Variants in CORO2B observed in about 807,000 individuals in gnomAD.
CORO2B encodes the protein coronin-2B.
In CORO2B, 26 loss-of-function variants were observed where a neutral mutation model predicts 58.8. That is an observed-to-expected ratio of 0.44 (90% CI 0.32 to 0.61). CORO2B has a LOEUF of 0.61. Ranked by LOEUF, CORO2B falls within the 20% of genes least tolerant of loss-of-function variation. CORO2B has a pLI of 0.04. For missense variants in CORO2B, 460 were observed against 645.1 expected (o/e 0.71, Z 3.11); for synonymous variants, 242 against 253.8 (o/e 0.95, Z 0.44).
At chr15:68,520,154 A>G in the CORO2B span, among the ~76,000 whole-genome samples, 4 of 152,326 alleles carry the variant, frequency 2.6e-5, no homozygotes, top group African/African-American at 7.2e-5. Context: ...CATTTCTGCC[A>G]TTTGAAATGT....
intron 3 of CORO2B, among the ~76,000 whole-genome samples, chr15:68,703,436 C>G (rs1892707999): frequency 6.6e-6 from 1 of 152,160 alleles, no homozygotes; most frequent in African/African-American, 2.4e-5. Context: ...CAGGTGTGAG[C>G]CACCTCGCCC....
At chr15:68,692,283 C>T (rs1567010794) in intron 2 of CORO2B, among the ~76,000 whole-genome samples, 2 of 152,276 alleles carry the variant, frequency 1.3e-5, no homozygotes, top group Non-Finnish European at 1.5e-5. Context: ...TGACCCGCCT[C>T]TGCTTAGAGT....
intron 1 of CORO2B, among the ~76,000 whole-genome samples, chr15:68,642,423 C>A (rs1483728588): frequency 6.6e-6 from 1 of 152,070 alleles, no homozygotes; most frequent in Non-Finnish European, 1.5e-5. Context: ...GCAGACCATC[C>A]CCGGTGCCCA....
the CORO2B span, among the ~76,000 whole-genome samples, chr15:68,559,346 C>T: frequency 9.8e-4 from 149 of 152,080 alleles, 1 homozygote; most frequent in African/African-American, 3.4e-3. The surrounding 1 kb of genome is among the most constrained non-coding windows in gnomAD (Gnocchi z 4.3). Flanking sequence ...CTCTCATTCC[C>T]GGAGAATTAA....
chr15:68,556,173 C>T, the CORO2B span, among the ~76,000 whole-genome samples: 2 of 152,200 alleles, frequency 1.3e-5, no homozygotes, highest in South Asian at 4.1e-4. Context: ...ACCACCTTCC[C>T]ACAATGCCTC....
rs74507300 is a variant in CORO2B, at chr15:68,607,886, A to G, written c.15+28609A>G. On this transcript the variant is annotated intron_variant, in intron 1 of 11. Coordinates refer to ENST00000261861, the MANE Select transcript of CORO2B (RefSeq NM_006091.5). ...ACTCCTTTCTAAGAGAGGTCAGACC[A>G]GGACTCCAGGAACAGATGCCATGTG... Among the ~76,000 whole-genome samples, 1,213 of 151,958 alleles carry G rather than the reference A, an allele frequency of 8.0e-3. 21 individuals are homozygous for G. The highest frequency in any genetic ancestry group is 0.028 in the African/African-American group (1,146 of 41,422).
chr15:68,596,184 C>A (rs1899825384), intron 1 of CORO2B, among the ~76,000 whole-genome samples: 1 of 152,076 alleles, frequency 6.6e-6, no homozygotes, highest in African/African-American at 2.4e-5. Flanking sequence ...AATAAATCTT[C>A]ATTAAGCATG....
intron 1 of CORO2B, chr15:68,631,921 G>A (rs954474560): frequency 5.8e-5 from 57 of 985,114 alleles, no homozygotes; most frequent in Non-Finnish European, 6.8e-5. Context: ...GCCCCAGATG[G>A]CCACCAGGGA....
In CORO2B at chr15:68,645,197, G is replaced by A. The variant is rs946241969; in HGVS notation, c.53G>A (p.Arg18Gln). The change falls in exon 2 of 12, where the codon CGG becomes CAG. Residue 18 changes from arginine (R) to glutamine (Q), a missense_variant. Physicochemically the swap from Arg to Gln is conservative, Grantham distance 43. Around this residue, in one of 2 missense-constraint regions of CORO2B, gnomAD observed 352 missense variants for 543.0 expected, o/e 0.65. Coordinates refer to ENST00000261861, the MANE Select transcript of CORO2B (RefSeq NM_006091.5). This position sits in a 1 kb window ranked among gnomAD's most constrained non-coding sequence, Gnocchi z 4.5. ...CCGCAATACCGTAGCTCCAAGTTCC[G>A]GAATGTCTACGGGAAGGTGGCCAAC... ...WRPQYRSSKFRNVYGKVANRE... is the reference protein window; with the variant it reads ...WRPQYRSSKFQNVYGKVANRE... 2.5e-6 allele frequency: 4 copies of A among 1,614,162 alleles called. No individual in the cohort carries two copies. Among genetic ancestry groups the A allele is most frequent in the Non-Finnish European group, 1.7e-6 (2 of 1,180,020 alleles).
intron 11 of CORO2B, 26 bp from the exon 12 acceptor site, chr15:68,725,817 T>C: frequency 6.2e-7 from 1 of 1,612,542 alleles, no homozygotes; most frequent in South Asian, 1.1e-5. Flanking sequence ...GGGCCCTCCT[T>C]GGCCCCCTCT....
chr15:68,577,443 G>C (rs953220875), upstream of CORO2B, among the ~76,000 whole-genome samples: 1 of 152,158 alleles, frequency 6.6e-6, no homozygotes, highest in African/African-American at 2.4e-5. Context: ...AAATGGCAGG[G>C]CCGGGGGCGG....
intron 1 of CORO2B, among the ~76,000 whole-genome samples, chr15:68,597,614 G>GC (rs1312757777): frequency 7.0e-6 from 1 of 143,604 alleles, no homozygotes; most frequent in Non-Finnish European, 1.5e-5. Context: ...CCTAATTTCT[G>GC]TTTCCCCCCC....
At chr15:68,637,103 C>T (rs147238591) in intron 1 of CORO2B, among the ~76,000 whole-genome samples, 5 of 152,354 alleles carry the variant, frequency 3.3e-5, no homozygotes, top group Middle Eastern at 3.4e-3. Context: ...CAGATACATG[C>T]CTTCACGACA....
intron 2 of CORO2B, among the ~76,000 whole-genome samples, chr15:68,675,716 A>G (rs1902561517): frequency 5.3e-5 from 8 of 152,218 alleles, no homozygotes; most frequent in Admixed American, 5.2e-4. Flanking sequence ...TAAAGTGCTT[A>G]GAAAACATTA....
chr15:68,557,805 C>T, the CORO2B span, among the ~76,000 whole-genome samples: 1 of 152,228 alleles, frequency 6.6e-6, no homozygotes, highest in Non-Finnish European at 1.5e-5. Context: ...CTAACTGGGA[C>T]TCCACAGCCT....
chr15:68,654,543 CT>C (rs1171111947), intron 2 of CORO2B, among the ~76,000 whole-genome samples: 1 of 152,226 alleles, frequency 6.6e-6, no homozygotes, highest in Admixed American at 6.5e-5. Context: ...CATTTTCCTT[CT>C]AGGGCCTGGA....
intron 1 of CORO2B, among the ~76,000 whole-genome samples, chr15:68,631,034 G>A (rs1900812627): frequency 6.6e-6 from 1 of 152,198 alleles, no homozygotes; most frequent in Non-Finnish European, 1.5e-5. Context: ...TCCCAAGGGT[G>A]AGGGGTGTTC....
the CORO2B span, among the ~76,000 whole-genome samples, chr15:68,539,160 A>G: frequency 9.8e-5 from 15 of 152,332 alleles, no homozygotes; most frequent in Admixed American, 9.1e-4. Context: ...TAGAGAAGCC[A>G]CAAGCTGCAG....
At chr15:68,704,197 A>C (rs1471085885) in intron 3 of CORO2B, among the ~76,000 whole-genome samples, 1 of 151,572 alleles carries the variant, frequency 6.6e-6, no homozygotes, top group Non-Finnish European at 1.5e-5. Flanking sequence ...CCAAGATTGC[A>C]CCACTGCACT....
Sources: gnomAD v4.1 joint callset for allele counts (sites outside exome capture counted in the v4.1 genomes callset) on GRCh38, gnomAD v4.1.1 for gene constraint, gnomAD v4.1.1 regional missense constraint, Gnocchi (gnomAD v3.1) non-coding constraint, MANE v1.5 for transcripts, NCBI Gene and HGNC (gene_info 2026-07-23, HGNC 2026-07-21) for gene names.